The following MPDZ variants were observed in gnomAD, a reference collection of about 807,000 sequenced individuals.
MPDZ encodes multiple PDZ domain crumbs cell polarity complex component.
In MPDZ, 234 loss-of-function variants were observed where a neutral mutation model predicts 239.1. The observed-to-expected ratio is 0.98, with a 90% CI of 0.88 to 1.09. The LOEUF (loss-of-function observed/expected upper bound fraction) is 1.09. Ranked by LOEUF, MPDZ falls within the 50% of genes least tolerant of loss-of-function variation. The pLI is 0.00. For synonymous variants in MPDZ, 1,048 were observed against 881.3 expected, an observed-to-expected ratio of 1.19 and a Z score of -3.35; for missense variants, 3,175 against 2,510.0, an observed-to-expected ratio of 1.26 and a Z score of -5.66.
chr9:13,227,006 C>G (rs1038939873), intron 3 of MPDZ, among the ~76,000 whole-genome samples: 14 of 152,006 alleles, frequency 9.2e-5, no homozygotes, highest in African/African-American at 3.1e-4. Context: ...GTGTTCCTAT[C>G]ATCCTTGTAT....
At chr9:13,213,516 T>A (rs1460351966) in intron 10 of MPDZ, among the ~76,000 whole-genome samples, 2 of 152,036 alleles carry the variant, frequency 1.3e-5, no homozygotes, top group South Asian at 4.1e-4. Context: ...TGAAGAACAT[T>A]ACTGCAAATA....
chr9:13,115,220 C>T (rs966997939), intron 40 of MPDZ, 28 bp downstream of exon 40: 29 of 1,587,160 alleles, frequency 1.8e-5, no homozygotes, highest in South Asian at 1.3e-4. Flanking sequence ...CCGATTGCAT[C>T]GCCCTGATGA....
intron 10 of MPDZ, among the ~76,000 whole-genome samples, chr9:13,211,100 T>C (rs1957566868): frequency 6.6e-6 from 1 of 152,116 alleles, no homozygotes; most frequent in African/African-American, 2.4e-5. Flanking sequence ...GCTTCTAATA[T>C]GCCAGGGGGT....
intron 3 of MPDZ, among the ~76,000 whole-genome samples, chr9:13,231,217 A>G (rs1285434142): frequency 6.6e-6 from 1 of 152,138 alleles, no homozygotes; most frequent in African/African-American, 2.4e-5. Flanking sequence ...ATGCAAAAAA[A>G]TGGGGAAAAA....
chr9:13,268,387 T>C (rs961731856), intron 1 of MPDZ, among the ~76,000 whole-genome samples: 4 of 152,210 alleles, frequency 2.6e-5, no homozygotes, highest in East Asian at 1.9e-4. Flanking sequence ...AATTTTGTAT[T>C]TATAATTTTC....
intron 24 of MPDZ, among the ~76,000 whole-genome samples, chr9:13,153,077 C>T (rs1213808702): frequency 2.6e-5 from 4 of 152,052 alleles, no homozygotes; most frequent in Admixed American, 6.6e-5. Flanking sequence ...TCAAACATGT[C>T]TTCAACACTG....
chr9:13,106,918 G>C lies in MPDZ; in HGVS notation c.*47C>G. Reference sequence around the variant, plus strand: ...TCAGGACCAGTGCATTCTCTTTACAGTAGGAGGTGAGCTAGGGGTTGGGTT... The same window carrying C: ...TCAGGACCAGTGCATTCTCTTTACACTAGGAGGTGAGCTAGGGGTTGGGTT... On this transcript the variant is annotated 3_prime_UTR_variant, in exon 47 of 47. Transcript: ENST00000319217. 1 of 1,602,690 alleles carries C rather than the reference G, an allele frequency of 6.2e-7. No individual in the cohort carries two copies. The highest frequency in any genetic ancestry group is 8.5e-7 in the Non-Finnish European group (1 of 1,170,868).
chr9:13,178,680 G>A (rs1183607040), intron 19 of MPDZ, among the ~76,000 whole-genome samples: 1 of 152,136 alleles, frequency 6.6e-6, no homozygotes, highest in Non-Finnish European at 1.5e-5. Context: ...GCATTTACAG[G>A]TATTTATGGT....
chr9:13,144,952 C>A (rs573586642), intron 26 of MPDZ, among the ~76,000 whole-genome samples: 62 of 152,180 alleles, frequency 4.1e-4, no homozygotes, highest in African/African-American at 1.4e-3. Context: ...GAGATTATTT[C>A]TAATCTCCAT....
chr9:13,166,525 G>C lies in MPDZ; in HGVS notation c.3254+1841C>G, dbSNP rs182168324. On this transcript the variant is annotated intron_variant, in intron 22 of 46. Coordinates refer to ENST00000319217, the MANE Select transcript of MPDZ (RefSeq NM_001378778.1). ...ATGTGAGAAGAAATCAACGTGTTTT[G>C]AATGTCTGCATGTGTGTTTACATAC... is the stretch of plus-strand genomic sequence containing the variant. 2.0e-5 allele frequency among the ~76,000 whole-genome samples: 3 copies of C among 152,218 alleles called. No homozygotes were observed. The East Asian group carries it at 5.8e-4, about 29-fold the overall frequency.
At chr9:13,176,444 A>C (rs560908881) in intron 19 of MPDZ, 27 bp from the exon 20 acceptor site, 4 of 1,496,786 alleles carry the variant, frequency 2.7e-6, no homozygotes, top group African/African-American at 2.8e-5. Flanking sequence ...AACAACAACA[A>C]AACATGAAAA....
chr9:13,137,873 A>C (rs1947062406), intron 29 of MPDZ, 84 bp downstream of exon 29: 2 of 1,368,584 alleles, frequency 1.5e-6, no homozygotes, highest in Non-Finnish European at 2.0e-6. Flanking sequence ...AGTCACTATA[A>C]GGTATGGGTG....
intron 3 of MPDZ, among the ~76,000 whole-genome samples, chr9:13,247,324 T>C (rs1361052919): frequency 1.3e-5 from 2 of 152,198 alleles, no homozygotes; most frequent in Non-Finnish European, 2.9e-5. Context: ...TCAGTGATGA[T>C]GGAAACTAAG....
At chr9:13,125,775 A>C (rs1945019920) in intron 34 of MPDZ, among the ~76,000 whole-genome samples, 1 of 152,202 alleles carries the variant, frequency 6.6e-6, no homozygotes, top group Non-Finnish European at 1.5e-5. Context: ...AAACAGTTTT[A>C]ATAAAATAGA....
chr9:13,188,701 T>A lies in MPDZ; in HGVS notation c.2364+83A>T. 2.5e-6 allele frequency: 3 copies of A among 1,187,550 alleles called. No individual in the cohort carries two copies. The South Asian group carries it at 4.9e-5, about 19-fold the overall frequency. The allele number at this position is 1,187,550 out of a possible 1,614,324, so 73.6% of individuals were successfully genotyped here. A position where few individuals can be genotyped will look rare whatever the true frequency, so the allele number is the denominator to read the frequency against. On this transcript the variant is annotated intron_variant, in intron 17 of 46. Coordinates refer to ENST00000319217, the MANE Select transcript of MPDZ (RefSeq NM_001378778.1). ...ACTACTAAAAGTCACGATTCAATCA[T>A]GAGAACACCTAAAGCGAAAAGTAGA...
chr9:13,188,733 A>T (rs1954492627), intron 17 of MPDZ, 51 bp downstream of exon 17: 1 of 1,534,906 alleles, frequency 6.5e-7, no homozygotes, highest in Non-Finnish European at 8.9e-7. Flanking sequence ...TAGACCTATG[A>T]ACCATTTTGC....
At chr9:13,115,432 G>C in intron 39 of MPDZ, 98 bp from the exon 40 acceptor site, 1 of 973,246 alleles carries the variant, frequency 1.0e-6, no homozygotes, top group Non-Finnish European at 1.6e-6. Flanking sequence ...TTTTTTGAAA[G>C]GCATCTTCCT....
chr9:13,126,171 T>C (rs1400814022), intron 34 of MPDZ, among the ~76,000 whole-genome samples: 1 of 152,198 alleles, frequency 6.6e-6, no homozygotes, highest in African/African-American at 2.4e-5. Flanking sequence ...GTTTATAAAG[T>C]AGTATACACA....
In MPDZ at chr9:13,119,527, T is replaced by C. The variant is rs773775482; in HGVS notation, c.5354A>G (p.Gln1785Arg). The C allele has an allele frequency of 2.5e-6, 4 of 1,612,942 alleles. No homozygotes were observed. Among genetic ancestry groups the C allele is most frequent in the Non-Finnish European group, 3.4e-6 (4 of 1,179,474 alleles). The change falls in exon 39 of 47, where the codon CAA becomes CGA. Residue 1785 changes from glutamine (Q) to arginine (R), a missense_variant. Gln to Arg is a conservative substitution (Grantham distance 43). Coordinates refer to ENST00000319217, the MANE Select transcript of MPDZ (RefSeq NM_001378778.1). ...CTTTAGCAAAGCGGCAACCGCTTCT[T>C]GGGTGGCATTACGAACGTCTTCCCC... ...VNGEDVRNAT[Q>R]EAVAALLKCS...
Sources: gnomAD v4.1 joint callset for allele counts (sites outside exome capture counted in the v4.1 genomes callset) on GRCh38, gnomAD v4.1.1 for gene constraint, MANE v1.5 for transcripts, NCBI Gene and HGNC (gene_info 2026-07-23, HGNC 2026-07-21) for gene names.